The following PCNX1 variants were observed in gnomAD, a reference collection of about 807,000 sequenced individuals.
The protein encoded by PCNX1 is pecanex 1.
PCNX1 carries 78 observed loss-of-function variants against 242.2 expected under a neutral mutation model. The observed-to-expected ratio is 0.32, with a 90% CI of 0.27 to 0.39. The LOEUF (loss-of-function observed/expected upper bound fraction) is 0.39, where lower values mean the gene tolerates loss of function less well. Among genes scored for constraint, PCNX1 ranks in the 10% least tolerant of loss-of-function variants. The pLI, the probability that PCNX1 is intolerant of heterozygous loss-of-function variation, is 1.00. For missense variants in PCNX1, 2,581 were observed against 2,856.5 expected (o/e 0.90, Z 2.20); for synonymous variants, 1,024 against 1,032.9 (o/e 0.99, Z 0.17).
intron 8 of PCNX1, among the ~76,000 whole-genome samples, chr14:71,003,090 T>TC (rs1371030796): frequency 7.0e-6 from 1 of 142,110 alleles, no homozygotes; most frequent in East Asian, 2.0e-4. Flanking sequence ...CTTTTTTTTT[T>TC]TTTTTTTTTT....
intron 2 of PCNX1, among the ~76,000 whole-genome samples, chr14:70,957,645 T>C (rs2058044329): frequency 6.6e-6 from 1 of 152,154 alleles, no homozygotes; most frequent in Non-Finnish European, 1.5e-5. Flanking sequence ...TAGTAATGGT[T>C]AAAGGGGTTT....
At position 70,956,192 on chromosome 14, in the gene PCNX1, C is replaced by T. The variant is rs368834655; in HGVS notation, c.363-6034C>T. Among the ~76,000 whole-genome samples, 581 of 152,178 alleles carry T rather than the reference C, an allele frequency of 3.8e-3. 1 individual carries two copies. Among genetic ancestry groups the T allele is most frequent in the African/African-American group, 0.013 (524 of 41,512 alleles). ...TGCTCTAAATAATGGTGTTTACTTTCGGTTTTGACCTGGAAAGAGACTAGT... is the reference window on the plus strand; with the variant it reads ...TGCTCTAAATAATGGTGTTTACTTTTGGTTTTGACCTGGAAAGAGACTAGT... On this transcript the variant is annotated intron_variant, in intron 2 of 35. Coordinates refer to ENST00000304743, the MANE Select transcript of PCNX1 (RefSeq NM_014982.3).
Position 71,113,525 on chromosome 14 carries a change from C to T in PCNX1, c.*3590C>T, listed in dbSNP as rs1265076764. 6.6e-6 allele frequency: 1 copy of T among 152,588 alleles called. No individual in the cohort carries two copies. The highest frequency in any genetic ancestry group is 1.5e-5 in the Non-Finnish European group (1 of 68,032). The allele number at this position is 152,588 out of a possible 1,614,324, so 9.5% of individuals were successfully genotyped here. On this transcript the variant is annotated 3_prime_UTR_variant, in exon 36 of 36. Transcript: ENST00000304743. ...TTTAGCTTATAGCCTTGATAAATTC[C>T]TCTGTGCTTCTGAGCAGCATCCTTC... is the stretch of plus-strand genomic sequence containing the variant.
intron 30 of PCNX1, chr14:71,092,795 G>A (rs1387450914): frequency 1.3e-5 from 2 of 152,314 alleles, no homozygotes; most frequent in African/African-American, 4.8e-5. Context: ...CCTAAGCCTT[G>A]AGGGGAAAAG....
At chr14:71,081,114 C>T (rs2061843592) in intron 28 of PCNX1, among the ~76,000 whole-genome samples, 1 of 150,512 alleles carries the variant, frequency 6.6e-6, no homozygotes, top group African/African-American at 2.4e-5. Flanking sequence ...TTTTCTGCAT[C>T]TATTGAGATA....
intron 5 of PCNX1, among the ~76,000 whole-genome samples, chr14:70,975,271 T>A (rs904745002): frequency 1.3e-4 from 20 of 152,180 alleles, no homozygotes; most frequent in African/African-American, 4.3e-4. Flanking sequence ...ATGCTAGCTT[T>A]TAAATTTTGA....
At position 71,089,177 on chromosome 14, in the gene PCNX1, C is replaced by T; in HGVS notation, c.5439-15C>T. 1 of 1,583,554 alleles carries T rather than the reference C, an allele frequency of 6.3e-7. No individual in the cohort carries two copies. The highest frequency in any genetic ancestry group is 1.4e-5 in the African/African-American group (1 of 73,954). On this transcript the variant is annotated splice_polypyrimidine_tract_variant and intron_variant, in intron 29 of 35. Coordinates refer to ENST00000304743, the MANE Select transcript of PCNX1 (RefSeq NM_014982.3). Reference sequence around the variant, plus strand: ...TTTGTCAAAACATGTGAACTTTTATCTCCAATCTTAACAGTAATTTAGAGT... The same window carrying T: ...TTTGTCAAAACATGTGAACTTTTATTTCCAATCTTAACAGTAATTTAGAGT...
rs781730664 is a variant in PCNX1 at position 71,103,643 on chromosome 14, G to A, written c.6069G>A (p.Arg2023=). The A allele has an allele frequency of 3.1e-6, 5 of 1,613,906 alleles. No homozygotes were observed. The African/African-American group carries it at 4.0e-5, about 13-fold the overall frequency. The change falls in exon 32 of 36, where the codon AGG becomes AGA. Residue 2023 remains arginine (R), a synonymous_variant. Transcript: ENST00000304743. The part of the protein sequence containing the change: ...LGGPISLGNI[R]NFIVSTWHRL... ...GTCCTATCAGCTTGGGAAATATCAG[G>A]AACTTCATAGTGTCAACCTGGCACA... is the stretch of plus-strand genomic sequence containing the variant.
intron 1 of PCNX1, among the ~76,000 whole-genome samples, chr14:70,943,597 T>A (rs972113994): frequency 6.6e-6 from 1 of 152,172 alleles, no homozygotes; most frequent in African/African-American, 2.4e-5. Context: ...GATGATGCAA[T>A]AGAAAGCACA....
intron 1 of PCNX1, among the ~76,000 whole-genome samples, chr14:70,917,477 T>C (rs1489186485): frequency 6.6e-6 from 1 of 152,222 alleles, no homozygotes; most frequent in Non-Finnish European, 1.5e-5. Context: ...CTTCTATGTC[T>C]CCATCAGAGC....
intron 19 of PCNX1, among the ~76,000 whole-genome samples, chr14:71,042,757 A>G (rs1276566807): frequency 6.6e-6 from 1 of 152,004 alleles, no homozygotes; most frequent in Non-Finnish European, 1.5e-5. Context: ...TACTCCCATC[A>G]TTTTGTTCAT....
intron 6 of PCNX1, among the ~76,000 whole-genome samples, chr14:70,982,075 G>A (rs899666882): frequency 5.3e-5 from 8 of 152,134 alleles, no homozygotes; most frequent in African/African-American, 1.9e-4. Flanking sequence ...TTAAAGAAAA[G>A]TCAGATCTTT....
chr14:70,940,178 C>T (rs1352658142), intron 1 of PCNX1, among the ~76,000 whole-genome samples: 1 of 152,080 alleles, frequency 6.6e-6, no homozygotes, highest in Admixed American at 6.6e-5. Flanking sequence ...CATTATGATG[C>T]TAGCTGGTTA....
chr14:71,034,106 C>T, intron 18 of PCNX1, 70 bp downstream of exon 18: 2 of 809,912 alleles, frequency 2.5e-6, no homozygotes, highest in Non-Finnish European at 4.1e-6. Flanking sequence ...ATATGAGGAA[C>T]ACTTTTTGAA....
At chr14:70,949,579 C>T (rs187887619) in intron 2 of PCNX1, among the ~76,000 whole-genome samples, 3 of 152,092 alleles carry the variant, frequency 2.0e-5, no homozygotes, top group African/African-American at 7.2e-5. Flanking sequence ...TATATTCTTA[C>T]CTTAGAAACT....
chr14:71,091,985 T>C (rs1262773818), intron 30 of PCNX1, among the ~76,000 whole-genome samples: 1 of 152,248 alleles, frequency 6.6e-6, no homozygotes, highest in Non-Finnish European at 1.5e-5. Context: ...TTTCTCATTG[T>C]GTTTAGTGCA....
chr14:70,988,705 G>A lies in PCNX1; in HGVS notation c.2444+6G>A. Reference sequence around the variant, plus strand: ...CTCATCGGATCACCCCTAAGGTATGGTATTTTCAATTCCACCAAGTTTAGC... The same window carrying A: ...CTCATCGGATCACCCCTAAGGTATGATATTTTCAATTCCACCAAGTTTAGC... On this transcript the variant is annotated splice_donor_region_variant and intron_variant, in intron 7 of 35. Coordinates refer to ENST00000304743, the MANE Select transcript of PCNX1 (RefSeq NM_014982.3). 3 of 1,609,088 alleles carry A rather than the reference G, an allele frequency of 1.9e-6. No homozygotes were observed. The highest frequency in any genetic ancestry group is 2.2e-5 in the East Asian group (1 of 44,740).
At position 71,019,080 on chromosome 14, in the gene PCNX1, T is replaced by C. The variant is rs563147263; in HGVS notation, c.3068T>C (p.Leu1023Pro). The change falls in exon 12 of 36, where the codon CTT becomes CCT. Residue 1023 changes from leucine (L) to proline (P), a missense_variant. Leu to Pro is a moderately conservative substitution (Grantham distance 98, BLOSUM62 -3). Transcript: ENST00000304743. ...CTCGTGGCCTTTTTGGGATCTATTC[T>C]TCTCATACAAGGATTCTTCAGAGAT... Reference protein sequence around the residue: ...AILVAFLGSILLIQGFFRDIW... With the variant: ...AILVAFLGSIPLIQGFFRDIW... 6 of 1,613,504 alleles carry C rather than the reference T, an allele frequency of 3.7e-6. No homozygotes were observed. Among genetic ancestry groups the C allele is most frequent in the Non-Finnish European group, 5.1e-6 (6 of 1,179,670 alleles).
chr14:71,077,158 C>G (rs2061738232), intron 28 of PCNX1, among the ~76,000 whole-genome samples: 1 of 152,126 alleles, frequency 6.6e-6, no homozygotes, highest in African/African-American at 2.4e-5. Flanking sequence ...GATAACATGT[C>G]TTATCCTAAA....
Sources: allele counts gnomAD v4.1 joint callset (sites outside exome capture counted in the v4.1 genomes callset), GRCh38; gene constraint gnomAD v4.1.1; transcripts MANE v1.5; gene names NCBI Gene and HGNC (gene_info 2026-07-23, HGNC 2026-07-21).